CADPS2: variants seen among roughly 807,000 people sequenced by gnomAD.
The protein encoded by CADPS2 is calcium dependent secretion activator 2.
A neutral mutation model predicts 172.5 loss-of-function variants in CADPS2; 93 were observed. The observed-to-expected ratio is 0.54, with a 90% CI of 0.46 to 0.64. The LOEUF (loss-of-function observed/expected upper bound fraction) is 0.64. Ranked by LOEUF, CADPS2 falls within the 30% of genes least tolerant of loss-of-function variation. The pLI is 0.00. For synonymous variants in CADPS2, 546 were observed against 555.2 expected, an observed-to-expected ratio of 0.98 and a Z score of 0.23; for missense variants, 1,420 against 1,565.9, an observed-to-expected ratio of 0.91 and a Z score of 1.57.
chr7:122,345,313 T>C (rs943384410), intron 28 of CADPS2, among the ~76,000 whole-genome samples: 5 of 152,080 alleles, frequency 3.3e-5, no homozygotes, highest in Non-Finnish European at 4.4e-5. Context: ...TTTTCTTGTA[T>C]TTTTAGTAGA....
chr7:122,680,644 G>A (rs1286198339), intron 2 of CADPS2, among the ~76,000 whole-genome samples: 2 of 152,222 alleles, frequency 1.3e-5, no homozygotes, highest in Non-Finnish European at 2.9e-5. Context: ...AGTCTGAGAG[G>A]TGGAGGTTGC....
chr7:122,323,871 TTTTATATATATATATATA>T (rs1273973246), intron 29 of CADPS2, among the ~76,000 whole-genome samples: 3 of 117,150 alleles, frequency 2.6e-5, no homozygotes, highest in African/African-American at 7.0e-5. Context: ...CATATGTATA[TTTTATATATATATATATA>T]TATATATATA....
At chr7:122,699,079 T>C (rs2085621965) in intron 2 of CADPS2, 3 of 590,642 alleles carry the variant, frequency 5.1e-6, no homozygotes, top group Non-Finnish European at 9.0e-6. Flanking sequence ...CTTATGAGTT[T>C]CAGATGTCTT....
chr7:122,487,011 CTTTTTT>C (rs535575706), intron 11 of CADPS2, among the ~76,000 whole-genome samples: 3 of 123,276 alleles, frequency 2.4e-5, no homozygotes, highest in Non-Finnish European at 3.3e-5. Flanking sequence ...ATAAACATAA[CTTTTTT>C]TTTTTTTTTT....
At chr7:122,364,726 C>A (rs200787557) in intron 25 of CADPS2, among the ~76,000 whole-genome samples, 368 of 136,962 alleles carry the variant, frequency 2.7e-3, no homozygotes, top group Non-Finnish European at 2.7e-3. Flanking sequence ...GACTCCATCT[C>A]AAAAAAAAAA....
intron 6 of CADPS2, among the ~76,000 whole-genome samples, chr7:122,584,547 T>C (rs2069354548): frequency 6.6e-6 from 1 of 151,954 alleles, no homozygotes; most frequent in Non-Finnish European, 1.5e-5. Context: ...TCCTCTCTAC[T>C]TCATGTTTTT....
chr7:122,526,176 A>T (rs1458134252), intron 8 of CADPS2, among the ~76,000 whole-genome samples: 1 of 121,612 alleles, frequency 8.2e-6, no homozygotes, highest in Non-Finnish European at 1.7e-5. Flanking sequence ...ATCCTTTGAT[A>T]CACTTATTTA....
intron 6 of CADPS2, among the ~76,000 whole-genome samples, chr7:122,595,438 A>T (rs1192273684): frequency 6.6e-6 from 1 of 152,090 alleles, no homozygotes; most frequent in Non-Finnish European, 1.5e-5. Context: ...GTTTTGCTTT[A>T]CATTTTCTTA....
chr7:122,398,738 T>TTCTCTCTCTC (rs375630670), intron 20 of CADPS2, among the ~76,000 whole-genome samples: 3 of 131,400 alleles, frequency 2.3e-5, no homozygotes, highest in Admixed American at 8.3e-5. Context: ...GAAAACACTC[T>TTCTCTCTCTC]TCTCTCTCTC....
At chr7:122,630,206 G>A (rs942003347) in intron 3 of CADPS2, among the ~76,000 whole-genome samples, 3 of 152,116 alleles carry the variant, frequency 2.0e-5, no homozygotes, top group African/African-American at 7.2e-5. Flanking sequence ...ATTCGATTGA[G>A]TATAACATTA....
chr7:122,705,294 T>C (rs2086815316), intron 2 of CADPS2, among the ~76,000 whole-genome samples: 1 of 151,330 alleles, frequency 6.6e-6, no homozygotes, highest in African/African-American at 2.4e-5. Flanking sequence ...GAGGCTACTG[T>C]AATCTGTTCC....
chr7:122,645,928 C>G (rs945570051), intron 3 of CADPS2, among the ~76,000 whole-genome samples: 6 of 151,218 alleles, frequency 4.0e-5, no homozygotes, highest in African/African-American at 1.5e-4. Flanking sequence ...AAGGAATGAG[C>G]TATTATTTTA....
In CADPS2 at chr7:122,393,431, A is replaced by G. The variant is rs1207312334; in HGVS notation, c.2888+10T>C. 4.3e-6 allele frequency: 7 copies of G among 1,613,676 alleles called. No individual in the cohort carries two copies. Among genetic ancestry groups the G allele is most frequent in the Non-Finnish European group, 5.9e-6 (7 of 1,179,782 alleles). On this transcript the variant is annotated intron_variant, in intron 21 of 29. Transcript: ENST00000449022. The stretch of plus-strand genomic sequence containing the variant: ...GCAGGTGCTCTACGGACACTAGGTA[A>G]GATACCTACTTGACAGGCTGCCATG...
At chr7:122,658,224 A>C (rs1209604995) in intron 3 of CADPS2, among the ~76,000 whole-genome samples, 3 of 152,334 alleles carry the variant, frequency 2.0e-5, no homozygotes, top group African/African-American at 7.2e-5. Flanking sequence ...GGCAATCATT[A>C]AAAAGTCAGG....
intron 12 of CADPS2, among the ~76,000 whole-genome samples, chr7:122,475,022 T>A (rs1417010510): frequency 6.6e-6 from 1 of 152,174 alleles, no homozygotes; most frequent in Non-Finnish European, 1.5e-5. Context: ...CAATGAGCGC[T>A]CTCAAGCTTC....
intron 1 of CADPS2, among the ~76,000 whole-genome samples, chr7:122,813,601 T>C (rs1241382835): frequency 6.6e-6 from 1 of 152,100 alleles, no homozygotes; most frequent in Non-Finnish European, 1.5e-5. Flanking sequence ...AACTTTATTA[T>C]CAAGTTGGAC....
At chr7:122,340,491 C>A (rs1203881057) in intron 28 of CADPS2, among the ~76,000 whole-genome samples, 1 of 152,170 alleles carries the variant, frequency 6.6e-6, no homozygotes, top group Non-Finnish European at 1.5e-5. Flanking sequence ...CTCTCAACTG[C>A]CTCCACATTT....
intron 7 of CADPS2, among the ~76,000 whole-genome samples, chr7:122,564,273 C>T (rs1272902989): frequency 6.6e-6 from 1 of 151,986 alleles, no homozygotes; most frequent in Non-Finnish European, 1.5e-5. Flanking sequence ...TTAGTACAAC[C>T]TCTATGGAAA....
chr7:122,870,736 C>T (rs1055931771), intron 1 of CADPS2, among the ~76,000 whole-genome samples: 3 of 151,986 alleles, frequency 2.0e-5, no homozygotes, highest in African/African-American at 7.2e-5. Context: ...TTGTACCAGA[C>T]ATACACAATT....
Sources: gnomAD v4.1 joint callset for allele counts (sites outside exome capture counted in the v4.1 genomes callset) on GRCh38, gnomAD v4.1.1 for gene constraint, MANE v1.5 for transcripts, NCBI Gene and HGNC (gene_info 2026-07-23, HGNC 2026-07-21) for gene names.